HTR2B: variants seen among roughly 807,000 people sequenced by gnomAD.
HTR2B encodes 5-HT 2B receptor.
HTR2B carries 31 observed loss-of-function variants against 39.8 expected under a neutral mutation model. The ratio of observed to expected loss-of-function variants is 0.78; its 90% CI spans 0.58 to 1.05. The LOEUF (loss-of-function observed/expected upper bound fraction) is 1.05, where lower values mean the gene tolerates loss of function less well. Ranked by LOEUF, HTR2B falls within the 50% of genes least tolerant of loss-of-function variation. The probability of loss-of-function intolerance (pLI) is 0.00; values close to 1 mark genes in which losing one functional copy is unlikely to be tolerated. For synonymous variants in HTR2B, 210 were observed against 207.1 expected (o/e 1.01, Z -0.12); for missense variants, 562 against 578.0 (o/e 0.97, Z 0.28).
chr2:231,119,051 T>C (rs1695441938), intron 2 of HTR2B, among the ~76,000 whole-genome samples: 1 of 152,228 alleles, frequency 6.6e-6, no homozygotes, highest in African/African-American at 2.4e-5. Context: ...TTCACTACAT[T>C]TGAGCATATG....
intron 2 of HTR2B, among the ~76,000 whole-genome samples, chr2:231,117,358 A>G (rs1439269472): frequency 6.6e-6 from 1 of 152,096 alleles, no homozygotes; most frequent in Non-Finnish European, 1.5e-5. Context: ...AAAGAAAGAA[A>G]TGTGTATCTA....
At chr2:231,112,790 G>A (rs1270329192) in intron 3 of HTR2B, among the ~76,000 whole-genome samples, 2 of 152,044 alleles carry the variant, frequency 1.3e-5, no homozygotes, top group African/African-American at 4.8e-5. Context: ...AGACGATTTA[G>A]AAGAAAAAGG....
At position 231,109,491 on chromosome 2, in the gene HTR2B, A is replaced by G. The variant is rs1574736247; in HGVS notation, c.554-82T>C. 3 of 1,204,552 alleles carry G rather than the reference A, an allele frequency of 2.5e-6. No homozygotes were observed. The Admixed American group carries it at 5.3e-5, about 21-fold the overall frequency. 74.6% of individuals were successfully genotyped at this position (1,204,552 alleles called of 1,614,324 possible). On this transcript the variant is annotated intron_variant, in intron 3 of 3. Coordinates refer to ENST00000258400, the MANE Select transcript of HTR2B (RefSeq NM_000867.5). ...TTAGATCCTTTTGGATTGTATCCTT[A>G]TAACTTTATGCTTGTTGGTGCATTA...
intron 3 of HTR2B, among the ~76,000 whole-genome samples, chr2:231,110,657 A>G (rs997383772): frequency 1.3e-5 from 2 of 152,184 alleles, no homozygotes; most frequent in African/African-American, 2.4e-5. Flanking sequence ...TACTTTCTCT[A>G]CTTTTCCTCA....
chr2:231,108,648 G>A lies in HTR2B; in HGVS notation c.1315C>T (p.Pro439Ser), dbSNP rs575018939. Residue 439 changes from proline to serine, a missense_variant, in exon 4 of 4, where the codon CCT (proline) becomes TCT (serine). Pro to Ser is a moderately conservative substitution (Grantham distance 74, BLOSUM62 -1). Coordinates refer to ENST00000258400, the MANE Select transcript of HTR2B (RefSeq NM_000867.5). ...KKHGIRNGINPAMYQSPMRLR... is the reference protein window; with the variant it reads ...KKHGIRNGINSAMYQSPMRLR... ...CTCATTGGACTCTGGTACATGGCAG[G>A]GTTAATCCCATTTCGAATTCCATGT... 2 of 1,613,984 alleles carry A rather than the reference G, an allele frequency of 1.2e-6. No individual in the cohort carries two copies. Among genetic ancestry groups the A allele is most frequent in the African/African-American group, 2.7e-5 (2 of 75,010 alleles).
In HTR2B at chr2:231,109,320, C is replaced by A; in HGVS notation, c.643G>T (p.Gly215Cys). ...AGTGAGCCAAAGAGCATGAAATCGC[C>A]AAAACGTTCCTTTGTCAGCACACAA... ...ITCVLTKERF[G>C]DFMLFGSLAA... The change falls in exon 4 of 4, where the codon GGC (glycine) becomes TGC (cysteine). Residue 215 changes from glycine to cysteine, a missense_variant. Transcript: ENST00000258400. 6.2e-7 allele frequency: 1 copy of A among 1,613,984 alleles called. No homozygotes were observed. Among genetic ancestry groups the A allele is most frequent in the Non-Finnish European group, 8.5e-7 (1 of 1,179,936 alleles).
chr2:231,116,871 C>G (rs1488321980), intron 2 of HTR2B, among the ~76,000 whole-genome samples: 1 of 152,068 alleles, frequency 6.6e-6, no homozygotes, highest in Middle Eastern at 3.4e-3. Context: ...TTTCTCATTT[C>G]AAGTTTCGTG....
At position 231,109,083 on chromosome 2, in the gene HTR2B, G is replaced by T. The variant is rs1368192443; in HGVS notation, c.880C>A (p.Pro294Thr). The T allele has an allele frequency of 6.2e-7, 1 of 1,614,172 alleles. No homozygotes were observed. Among genetic ancestry groups the T allele is most frequent in the East Asian group, 2.2e-5 (1 of 44,884 alleles). ...ATAAGTGTTTCATCACCTGAGTTGG[G>T]CAGAGCCTTGTCCTTTCGAGAACCA... is the stretch of plus-strand genomic sequence containing the variant. ...LDGSRKDKAL[P>T]NSGDETLMRR... The change falls in exon 4 of 4, where the codon CCC becomes ACC. Residue 294 changes from proline to threonine, a missense_variant. Pro to Thr is a conservative substitution (Grantham distance 38). Transcript: ENST00000258400.
chr2:231,110,871 G>A (rs1476385185), intron 3 of HTR2B, among the ~76,000 whole-genome samples: 1 of 152,094 alleles, frequency 6.6e-6, no homozygotes, highest in Non-Finnish European at 1.5e-5. Flanking sequence ...AACCATATAC[G>A]CCCTGCAAGC....
At chr2:231,117,992 G>A (rs759408442) in intron 2 of HTR2B, among the ~76,000 whole-genome samples, 1 of 152,008 alleles carries the variant, frequency 6.6e-6, no homozygotes, top group African/African-American at 2.4e-5. Flanking sequence ...TTGAGAAAGC[G>A]GAATAATAAA....
At position 231,109,439 on chromosome 2, in the gene HTR2B, G is replaced by A. The variant is rs182379518; in HGVS notation, c.554-30C>T. On this transcript the variant is annotated intron_variant, in intron 3 of 3. Transcript: ENST00000258400. ...GGAAGAGGAAAACAAGATAAATTGA[G>A]TCATTTTATGACCTGTAACTCTTCG... 1.1e-3 allele frequency: 1,695 copies of A among 1,577,978 alleles called. 5 individuals are homozygous for A. The highest frequency in any genetic ancestry group is 3.5e-3 in the South Asian group (315 of 89,984).
At chr2:231,109,464 G>A (rs1024019911) in intron 3 of HTR2B, 55 bp from the exon 4 acceptor site, 13 of 1,423,494 alleles carry the variant, frequency 9.1e-6, no homozygotes, top group Non-Finnish European at 1.3e-5. Context: ...GTAACTCTTC[G>A]ATTAGATCCT....
chr2:231,117,740 C>A (rs2125221978), intron 2 of HTR2B, among the ~76,000 whole-genome samples: 1 of 152,244 alleles, frequency 6.6e-6, no homozygotes, highest in East Asian at 1.9e-4. Flanking sequence ...ATACCTTCCA[C>A]AGAAAAGAGA....
At position 231,108,772 on chromosome 2, in the gene HTR2B, G is replaced by T. The variant is rs781205115; in HGVS notation, c.1191C>A (p.Cys397Ter). The change falls in exon 4 of 4, where the codon TGC becomes TGA. Residue 397 changes from cysteine (C) to a stop codon, truncating the protein, a stop_gained. Transcript: ENST00000258400. LOFTEE classifies it high-confidence loss of function. ...TTACTGACTTTGTGGCCCGGTAATTGCAGGTGATATATCGGCCAAATGCAT... is the reference window on the plus strand; with the variant it reads ...TTACTGACTTTGTGGCCCGGTAATTTCAGGTGATATATCGGCCAAATGCAT... ...FRDAFGRYIT[C>*]NYRATKSVKT... 6.2e-7 allele frequency: 1 copy of T among 1,614,100 alleles called. No homozygotes were observed. The highest frequency in any genetic ancestry group is 1.1e-5 in the South Asian group (1 of 91,076).
chr2:231,118,632 G>A (rs1412924470), intron 2 of HTR2B, among the ~76,000 whole-genome samples: 1 of 152,066 alleles, frequency 6.6e-6, no homozygotes, highest in Admixed American at 6.6e-5. Context: ...AACCTGAGGA[G>A]TTTTACTAGA....
At chr2:231,121,647 G>A (rs1482997062) in intron 2 of HTR2B, among the ~76,000 whole-genome samples, 1 of 151,974 alleles carries the variant, frequency 6.6e-6, no homozygotes, top group African/African-American at 2.4e-5. Flanking sequence ...TTTGTATTTT[G>A]TTTGTTAGCT....
At chr2:231,119,950 CTTT>C (rs758725665) in intron 2 of HTR2B, among the ~76,000 whole-genome samples, 2 of 135,708 alleles carry the variant, frequency 1.5e-5, no homozygotes, top group African/African-American at 2.7e-5. Flanking sequence ...TCCCGTGTTA[CTTT>C]TTTTTTTTTT....
chr2:231,120,467 T>C (rs557810581), intron 2 of HTR2B, among the ~76,000 whole-genome samples: 8 of 152,200 alleles, frequency 5.3e-5, no homozygotes, highest in Non-Finnish European at 8.8e-5. Context: ...ACTACAACTG[T>C]AAAGATCAAG....
chr2:231,108,753 A>T lies in HTR2B; in HGVS notation c.1210T>A (p.Ser404Thr). 1 of 1,614,098 alleles carries T rather than the reference A, an allele frequency of 6.2e-7. No individual in the cohort carries two copies. The highest frequency in any genetic ancestry group is 8.5e-7 in the Non-Finnish European group (1 of 1,180,002). Residue 404 changes from serine to threonine, a missense_variant, in exon 4 of 4, where the codon TCA (serine) becomes ACA (threonine). Coordinates refer to ENST00000258400, the MANE Select transcript of HTR2B (RefSeq NM_000867.5). ...GAGCGTTTTCTGAGAGTTTTTACTG[A>T]CTTTGTGGCCCGGTAATTGCAGGTG... ...YITCNYRATK[S>T]VKTLRKRSSK...
Sources: gnomAD v4.1 joint callset for allele counts (sites outside exome capture counted in the v4.1 genomes callset) on GRCh38, gnomAD v4.1.1 for gene constraint, MANE v1.5 for transcripts, NCBI Gene and HGNC (gene_info 2026-07-23, HGNC 2026-07-21) for gene names.